UMODL1: variants seen among roughly 807,000 people sequenced by gnomAD.
UMODL1 encodes uromodulin like 1, also known as uromodulin-like 1.
Under a neutral mutation model 136.3 loss-of-function variants are expected in UMODL1, and 128 were observed. The ratio of observed to expected loss-of-function variants is 0.94; its 90% CI spans 0.81 to 1.09. UMODL1 has a LOEUF of 1.09. Among genes scored for constraint, UMODL1 ranks in the 50% least tolerant of loss-of-function variants. The pLI is 0.00. For synonymous variants in UMODL1, 721 were observed against 720.0 expected (o/e 1.00, Z -0.02); for missense variants, 1,766 against 1,725.6 (o/e 1.02, Z -0.41).
chr21:42,133,889 TTTTG>T (rs1569180195), intron 21 of UMODL1, among the ~76,000 whole-genome samples: 656 of 43,622 alleles, frequency 0.015, 5 homozygotes, highest in African/African-American at 0.03. Flanking sequence ...TATATCTGTT[TTTTG>T]TTTTGTTTTG....
chr21:42,111,234 C>T lies in UMODL1; in HGVS notation c.1899+113C>T, dbSNP rs747614073. On this transcript the variant is annotated intron_variant, in intron 11 of 22. Transcript: ENST00000408910. ...CTCAGACAGGAGAGTACCAGCCAGG[C>T]GAGCCCCAGCCAGAGGAGCACCAGC... The T allele has an allele frequency of 1.2e-5, 19 of 1,520,090 alleles. No individual in the cohort carries two copies. Among genetic ancestry groups the T allele is most frequent in the East Asian group, 2.6e-5 (1 of 38,866 alleles). 94.2% of individuals were successfully genotyped at this position (1,520,090 alleles called of 1,614,324 possible). A position where few individuals can be genotyped will look rare whatever the true frequency, so the allele number is the denominator to read the frequency against.
intron 8 of UMODL1, chr21:42,103,599 C>T (rs983751502): frequency 3.4e-6 from 2 of 595,566 alleles, no homozygotes; most frequent in Middle Eastern, 2.6e-4. Context: ...GATTGTCCAT[C>T]TGATGCTCCA....
intron 15 of UMODL1, chr21:42,120,754 T>TC (rs1023450418): frequency 4.7e-6 from 1 of 214,678 alleles, no homozygotes; most frequent in African/African-American, 2.3e-5. Flanking sequence ...GCAGCCTGGG[T>TC]CCCTTGGGCT....
chr21:42,135,347 A>C (rs1344104599), intron 21 of UMODL1, among the ~76,000 whole-genome samples: 1 of 152,246 alleles, frequency 6.6e-6, no homozygotes, highest in Non-Finnish European at 1.5e-5. Context: ...CTTTGGTGTC[A>C]GTCAGTGGGC....
At chr21:42,139,321 G>A (rs970406870) in intron 22 of UMODL1, among the ~76,000 whole-genome samples, 1 of 152,158 alleles carries the variant, frequency 6.6e-6, no homozygotes, top group Non-Finnish European at 1.5e-5. Context: ...GGGGAAGCAG[G>A]CACGTCTTCC....
At chr21:42,083,253 C>G (rs574495836) in intron 2 of UMODL1, among the ~76,000 whole-genome samples, 1 of 152,340 alleles carries the variant, frequency 6.6e-6, no homozygotes, top group African/African-American at 2.4e-5. Context: ...TGGTCTACAC[C>G]AGGCCGTTCT....
In UMODL1 at chr21:42,085,213, C is replaced by T. The variant is rs2066411603; in HGVS notation, c.482-78C>T. On this transcript the variant is annotated intron_variant, in intron 3 of 22. Transcript: ENST00000408910. The surrounding 1 kb of genome is among the most constrained non-coding windows in gnomAD (Gnocchi z 4.5). Reference sequence around the variant, plus strand: ...TCATGGCCTCTGGTTCCCTCTCCTGCCCCCTCTCCCACCCCAGCAGCTTTT... The same window carrying T: ...TCATGGCCTCTGGTTCCCTCTCCTGTCCCCTCTCCCACCCCAGCAGCTTTT... The T allele has an allele frequency of 1.6e-5, 25 of 1,552,158 alleles. No homozygotes were observed. The highest frequency in any genetic ancestry group is 6.8e-5 in the East Asian group (3 of 43,948).
At chr21:42,138,993 C>T (rs1028856101) in intron 22 of UMODL1, among the ~76,000 whole-genome samples, 1 of 152,278 alleles carries the variant, frequency 6.6e-6, no homozygotes, top group Admixed American at 6.5e-5. Flanking sequence ...GATAGAAAGA[C>T]TCCATCTCTA....
At chr21:42,086,720 C>G (rs1318446232) in intron 4 of UMODL1, 3 of 438,664 alleles carry the variant, frequency 6.8e-6, no homozygotes, top group Non-Finnish European at 1.4e-5. Context: ...AATCCCAGCA[C>G]TTTGGGAGGC....
rs1183151556 is a variant in UMODL1 at position 42,109,715 on chromosome 21, C to CT, written c.1657+16_1657+17insT. On this transcript the variant is annotated intron_variant, in intron 10 of 22. Coordinates refer to ENST00000408910, the MANE Select transcript of UMODL1 (RefSeq NM_001004416.3). Reference sequence around the variant, plus strand: ...GCCTGTGAGGGTACGTGTCGACCCCCCTGCCGACTCTGGGAAGACCCCCTG... The same window carrying CT: ...GCCTGTGAGGGTACGTGTCGACCCCCTCTGCCGACTCTGGGAAGACCCCCTG... 1 of 1,598,264 alleles carries CT rather than the reference C, an allele frequency of 6.3e-7. No homozygotes were observed. Among genetic ancestry groups the CT allele is most frequent in the African/African-American group, 1.3e-5 (1 of 74,884 alleles).
chr21:42,110,252 C>T (rs1377426705), intron 10 of UMODL1, among the ~76,000 whole-genome samples: 7 of 152,210 alleles, frequency 4.6e-5, no homozygotes, highest in Non-Finnish European at 7.3e-5. Context: ...GAGGAGGCCA[C>T]GTAGGGACCT....
upstream of UMODL1, among the ~76,000 whole-genome samples, chr21:42,066,749 G>C (rs2066186078): frequency 6.6e-6 from 1 of 152,164 alleles, no homozygotes. Context: ...GCACTGTCAG[G>C]GCCTCTTCCT....
At position 42,134,870 on chromosome 21, in the gene UMODL1, C is replaced by T. The variant is rs143920901; in HGVS notation, c.3776-2569C>T. 7.8e-3 allele frequency among the ~76,000 whole-genome samples: 1,180 copies of T among 152,062 alleles called. 14 individuals are homozygous for T. The highest frequency in any genetic ancestry group is 0.027 in the African/African-American group (1,111 of 41,448). ...TGATCTCCTGACCTTGTGATCCGCC[C>T]GCCTCAGCCTCCCAAGGTTCTGGGA... On this transcript the variant is annotated intron_variant, in intron 21 of 22. Coordinates refer to ENST00000408910, the MANE Select transcript of UMODL1 (RefSeq NM_001004416.3).
chr21:42,135,462 C>T (rs1018405590), intron 21 of UMODL1, among the ~76,000 whole-genome samples: 39 of 152,218 alleles, frequency 2.6e-4, no homozygotes. Context: ...GGCAACTGAA[C>T]AGGGATGGGT....
At chr21:42,120,879 G>C in intron 15 of UMODL1, 1 of 522,928 alleles carries the variant, frequency 1.9e-6, no homozygotes, top group Non-Finnish European at 3.3e-6. Flanking sequence ...CCTCCTTCCA[G>C]AACAGCCCCT....
rs1351535782 is a variant in UMODL1, at chr21:42,123,984, A to G, written c.3147+834A>G. 6.6e-6 allele frequency among the ~76,000 whole-genome samples: 1 copy of G among 152,184 alleles called. No homozygotes were observed. Among genetic ancestry groups the G allele is most frequent in the Non-Finnish European group, 1.5e-5 (1 of 68,022 alleles). ...GAGGCCTTCGCACCTCTGTGTGCAC[A>G]GATGGGCTCTGGCACCTCCCCTTGC... On this transcript the variant is annotated intron_variant, in intron 17 of 22. Transcript: ENST00000408910. The surrounding 1 kb of genome is among the most constrained non-coding windows in gnomAD (Gnocchi z 4.4).
rs147012955 is a variant in UMODL1 at position 42,135,916 on chromosome 21, C to T, written c.3776-1523C>T. Among the ~76,000 whole-genome samples, 687 of 152,298 alleles carry T rather than the reference C, an allele frequency of 4.5e-3. 8 individuals carry two copies. Among genetic ancestry groups the T allele is most frequent in the African/African-American group, 0.015 (644 of 41,556 alleles). On this transcript the variant is annotated intron_variant, in intron 21 of 22. Coordinates refer to ENST00000408910, the MANE Select transcript of UMODL1 (RefSeq NM_001004416.3). ...CACAGCAGCGTCCACTCTGGGCAGA[C>T]TGCCCGGAAATCAATACAGGGAATG... is the stretch of plus-strand genomic sequence containing the variant.
chr21:42,126,312 C>T (rs752344049), intron 17 of UMODL1, 33 bp from the exon 18 acceptor site: 3 of 1,612,070 alleles, frequency 1.9e-6, no homozygotes, highest in Non-Finnish European at 1.7e-6. Context: ...CGGCTGGGGC[C>T]TGGGAGCTCC....
chr21:42,125,470 C>A (rs1227393742), intron 17 of UMODL1, among the ~76,000 whole-genome samples: 1 of 152,218 alleles, frequency 6.6e-6, no homozygotes, highest in Non-Finnish European at 1.5e-5. Context: ...TCTTCAGATC[C>A]TCCCTGGGCT....
Sources: gnomAD v4.1 joint callset for allele counts (sites outside exome capture counted in the v4.1 genomes callset) on GRCh38, gnomAD v4.1.1 for gene constraint, Gnocchi (gnomAD v3.1) non-coding constraint, MANE v1.5 for transcripts, NCBI Gene and HGNC (gene_info 2026-07-23, HGNC 2026-07-21) for gene names.